FAM83B: variants seen among roughly 807,000 people sequenced by gnomAD.
FAM83B encodes the protein scaffolding CK1 anchoring protein B.
In FAM83B, 26 loss-of-function variants were observed where a neutral mutation model predicts 38.8. The observed-to-expected ratio is 0.67, with a 90% CI of 0.49 to 0.93. The LOEUF (loss-of-function observed/expected upper bound fraction) is 0.93, where lower values mean the gene tolerates loss of function less well. Among genes scored for constraint, FAM83B ranks in the 40% least tolerant of loss-of-function variants. The probability of loss-of-function intolerance (pLI) is 0.00; values close to 1 mark genes in which losing one functional copy is unlikely to be tolerated. For missense variants in FAM83B, 1,237 were observed against 1,197.3 expected (o/e 1.03, Z -0.49); for synonymous variants, 419 against 423.1 (o/e 0.99, Z 0.12).
At chr6:54,860,794 T>TC (rs1384222017) in intron 1 of FAM83B, among the ~76,000 whole-genome samples, 2 of 152,226 alleles carry the variant, frequency 1.3e-5, no homozygotes, top group Admixed American at 6.5e-5. Flanking sequence ...TAATTTGAGA[T>TC]GAATCAAAGA....
chr6:54,887,100 T>C (rs1772295721), intron 2 of FAM83B, among the ~76,000 whole-genome samples: 1 of 152,206 alleles, frequency 6.6e-6, no homozygotes, highest in East Asian at 1.9e-4. Context: ...TAAAGTATGT[T>C]TTATGATTCA....
rs1771424613 is a variant in FAM83B, at chr6:54,855,393, T to A, written c.-61+8567T>A. Among the ~76,000 whole-genome samples the A allele has an allele frequency of 2.6e-5, 4 of 152,126 alleles. No homozygotes were observed. In the South Asian group the frequency reaches 8.3e-4, roughly 32 times the overall value. The stretch of plus-strand genomic sequence containing the variant: ...TGTCTGTTAATGTCAGACAAAAACA[T>A]CAGTCCATATACGTTGAAAAAAATA... On this transcript the variant is annotated intron_variant, in intron 1 of 4. Transcript: ENST00000306858.
At chr6:54,878,473 G>A (rs1338067785) in intron 2 of FAM83B, among the ~76,000 whole-genome samples, 5 of 152,140 alleles carry the variant, frequency 3.3e-5, no homozygotes, top group Admixed American at 1.3e-4. Context: ...TAGGGTGCTC[G>A]GAGTAGGCCT....
intron 2 of FAM83B, among the ~76,000 whole-genome samples, chr6:54,907,989 A>G (rs571249151): frequency 6.6e-6 from 1 of 152,222 alleles, no homozygotes; most frequent in African/African-American, 2.4e-5. Flanking sequence ...ATAAAAAATT[A>G]CCATTACTTA....
Position 54,939,767 on chromosome 6 carries a change from G to T in FAM83B, c.796G>T (p.Val266Phe). ...SMVQIITGQL[V>F]ESFDEEFRTL... ...GGTTCAGATAATTACAGGACAACTT[G>T]TTGAGTCCTTTGATGAAGAATTTAG... Residue 266 changes from valine to phenylalanine, a missense_variant, in exon 5 of 5, where the codon GTT (valine) becomes TTT (phenylalanine). Coordinates refer to ENST00000306858, the MANE Select transcript of FAM83B (RefSeq NM_001010872.3). The T allele has an allele frequency of 6.2e-7, 1 of 1,613,844 alleles. No homozygotes were observed. Among genetic ancestry groups the T allele is most frequent in the Non-Finnish European group, 8.5e-7 (1 of 1,179,888 alleles).
rs1773652305 is a variant in FAM83B, at chr6:54,940,584, C to A, written c.1613C>A (p.Ser538Tyr). 1 of 1,613,950 alleles carries A rather than the reference C, an allele frequency of 6.2e-7. No individual in the cohort carries two copies. The highest frequency in any genetic ancestry group is 8.5e-7 in the Non-Finnish European group (1 of 1,180,030). ...AAGGCCAATGCCCTTTATACTCATT[C>A]TCGGCTTCGTTCCTCTTTAGTATTT... is the stretch of plus-strand genomic sequence containing the variant. ...NLKANALYTH[S>Y]RLRSSLVFKP... Residue 538 changes from serine to tyrosine, a missense_variant, in exon 5 of 5, where the codon TCT (serine) becomes TAT (tyrosine). By Grantham distance (144) the Ser-to-Tyr change is moderately radical (BLOSUM62 -2). Transcript: ENST00000306858.
In FAM83B at chr6:54,942,992, T is replaced by C; in HGVS notation, c.*985T>C. Among the ~76,000 whole-genome samples, 1 of 151,788 alleles carries C rather than the reference T, an allele frequency of 6.6e-6. No individual in the cohort carries two copies. Among genetic ancestry groups the C allele is most frequent in the East Asian group, 1.9e-4 (1 of 5,166 alleles). On this transcript the variant is annotated 3_prime_UTR_variant, in exon 5 of 5. Transcript: ENST00000306858. ...ATCTTGGCTCACTGCAACCTCTGCC[T>C]CCCAAGTTCAAACGATTCTCCTGCC...
At chr6:54,855,687 C>T (rs12191299) in intron 1 of FAM83B, among the ~76,000 whole-genome samples, 50,376 of 152,050 alleles carry the variant, frequency 0.33, 9,704 homozygotes, top group Non-Finnish European at 0.44. Flanking sequence ...AGTGTTAAAT[C>T]TCTCCAAGGT....
intron 2 of FAM83B, among the ~76,000 whole-genome samples, chr6:54,887,530 GTTTA>G (rs955148472): frequency 2.6e-5 from 4 of 151,640 alleles, no homozygotes; most frequent in African/African-American, 7.3e-5. Flanking sequence ...TGGTTTTTTT[GTTTA>G]TTTGTTTTAT....
chr6:54,862,390 C>G (rs1212578630), intron 1 of FAM83B, among the ~76,000 whole-genome samples: 1 of 152,050 alleles, frequency 6.6e-6, no homozygotes, highest in Non-Finnish European at 1.5e-5. Flanking sequence ...CAAGGCACAC[C>G]CTAAAAACAG....
Position 54,876,208 on chromosome 6 carries a change from G to A in FAM83B, c.444+5518G>A, listed in dbSNP as rs532999941. On this transcript the variant is annotated intron_variant, in intron 2 of 4. Coordinates refer to ENST00000306858, the MANE Select transcript of FAM83B (RefSeq NM_001010872.3). ...GTAAGTTTATCAGAGTCTTTGCATT[G>A]CTAATACTAACCAATACCTCTATTA... Among the ~76,000 whole-genome samples the A allele has an allele frequency of 2.7e-4, 40 of 146,290 alleles. No individual in the cohort carries two copies. In the South Asian group the frequency reaches 8.4e-3, roughly 31 times the overall value.
intron 1 of FAM83B, among the ~76,000 whole-genome samples, chr6:54,857,518 G>C (rs762984783): frequency 6.6e-6 from 1 of 152,184 alleles, no homozygotes; most frequent in Non-Finnish European, 1.5e-5. Context: ...GAATAAGTAA[G>C]GGGTAGGTCG....
intron 2 of FAM83B, among the ~76,000 whole-genome samples, chr6:54,888,624 G>T (rs772592304): frequency 4.6e-5 from 7 of 151,736 alleles, no homozygotes; most frequent in South Asian, 2.1e-4. Context: ...GACTTTTATT[G>T]TTGCTGATTT....
chr6:54,867,393 C>CAAA (rs1771736339), intron 1 of FAM83B, among the ~76,000 whole-genome samples: 1 of 151,958 alleles, frequency 6.6e-6, no homozygotes, highest in Non-Finnish European at 1.5e-5. Flanking sequence ...GTATTCCATG[C>CAAA]AAATAGCTCT....
chr6:54,875,859 T>G (rs891173274), intron 2 of FAM83B, among the ~76,000 whole-genome samples: 2 of 152,216 alleles, frequency 1.3e-5, no homozygotes, highest in Admixed American at 6.5e-5. Flanking sequence ...GCTGTGTCTG[T>G]ATGGCAGTAC....
intron 2 of FAM83B, among the ~76,000 whole-genome samples, chr6:54,880,827 C>A (rs764561449): frequency 3.9e-5 from 6 of 152,128 alleles, no homozygotes; most frequent in Non-Finnish European, 5.9e-5. Flanking sequence ...AAAAGGCAAT[C>A]ATAATCTCCC....
In FAM83B at chr6:54,940,713, C is replaced by G; in HGVS notation, c.1742C>G (p.Pro581Arg). ...GGAAGTGAGACACCTAAAGAGGTCC[C>G]AGACACCCCTACGAATGTACAGCAT... ...SQGSETPKEV[P>R]DTPTNVQHLT... The change falls in exon 5 of 5, where the codon CCA (proline) becomes CGA (arginine). Residue 581 changes from proline to arginine, a missense_variant. By Grantham distance (103) the Pro-to-Arg change is moderately radical (BLOSUM62 -2). Transcript: ENST00000306858. The G allele has an allele frequency of 6.2e-7, 1 of 1,613,964 alleles. No individual in the cohort carries two copies. Among genetic ancestry groups the G allele is most frequent in the South Asian group, 1.1e-5 (1 of 91,066 alleles).
At chr6:54,850,552 A>T (rs577274231) in intron 1 of FAM83B, among the ~76,000 whole-genome samples, 5 of 152,356 alleles carry the variant, frequency 3.3e-5, no homozygotes, top group Admixed American at 1.3e-4. Context: ...GGCAGTTTTC[A>T]AAGCACTAAA....
chr6:54,863,804 G>T (rs563208252), intron 1 of FAM83B, among the ~76,000 whole-genome samples: 1 of 151,862 alleles, frequency 6.6e-6, no homozygotes, highest in South Asian at 2.1e-4. Flanking sequence ...ATCTGTTTTG[G>T]CATCTAACAT....
Sources: allele counts gnomAD v4.1 joint callset (sites outside exome capture counted in the v4.1 genomes callset), GRCh38; gene constraint gnomAD v4.1.1; transcripts MANE v1.5; gene names NCBI Gene and HGNC (gene_info 2026-07-23, HGNC 2026-07-21).